SFMBT1: variants seen among roughly 807,000 people sequenced by gnomAD.
The protein encoded by SFMBT1 is Scm like with four mbt domains 1.
Under a neutral mutation model 108.7 loss-of-function variants are expected in SFMBT1, and 32 were observed. The observed-to-expected ratio is 0.29, with a 90% CI of 0.22 to 0.40. The LOEUF (loss-of-function observed/expected upper bound fraction) is 0.40, where lower values mean the gene tolerates loss of function less well. Among genes scored for constraint, SFMBT1 ranks in the 10% least tolerant of loss-of-function variants. The pLI is 1.00. For synonymous variants in SFMBT1, 348 were observed against 369.5 expected (o/e 0.94, Z 0.67); for missense variants, 816 against 1,059.6 (o/e 0.77, Z 3.19).
chr3:52,938,640 T>G (rs1281649272), intron 4 of SFMBT1, among the ~76,000 whole-genome samples: 1 of 11,694 alleles, frequency 8.6e-5, no homozygotes, highest in Non-Finnish European at 2.5e-4. Flanking sequence ...AATAAAGCTG[T>G]TTTTTTTTTT....
At chr3:52,946,267 A>T (rs1433775299) in intron 3 of SFMBT1, among the ~76,000 whole-genome samples, 3 of 152,270 alleles carry the variant, frequency 2.0e-5, no homozygotes, top group Non-Finnish European at 4.4e-5. Context: ...CAATATGGCA[A>T]CCACAGCCAC....
At chr3:52,994,665 A>G (rs190937348) in intron 1 of SFMBT1, among the ~76,000 whole-genome samples, 2 of 150,280 alleles carry the variant, frequency 1.3e-5, no homozygotes, top group East Asian at 3.9e-4. Flanking sequence ...ACGCCCAGCT[A>G]ATTTTTATAT....
chr3:52,930,952 A>T lies in SFMBT1; in HGVS notation c.784T>A (p.Tyr262Asn). 1 of 1,613,958 alleles carries T rather than the reference A, an allele frequency of 6.2e-7. No homozygotes were observed. Among genetic ancestry groups the T allele is most frequent in the Non-Finnish European group, 8.5e-7 (1 of 1,179,864 alleles). The stretch of plus-strand genomic sequence containing the variant: ...TGTTTTGTTTTTACCTTAAATAAGT[A>T]AGATGGTAATGGCTCTTCCTCTTCC... ...KEEEEEPLPS[Y>N]LFKDKQVIGI... is the part of the protein sequence containing the mutation. Residue 262 changes from tyrosine to asparagine, a missense_variant, in exon 7 of 21, where the codon TAC becomes AAC. Tyr to Asn is a moderately radical substitution (Grantham distance 143, BLOSUM62 -2). Coordinates refer to ENST00000394752, the MANE Select transcript of SFMBT1 (RefSeq NM_016329.4).
At chr3:52,954,990 G>A (rs1043007520) in intron 2 of SFMBT1, among the ~76,000 whole-genome samples, 5 of 151,772 alleles carry the variant, frequency 3.3e-5, no homozygotes, top group South Asian at 2.1e-4. Context: ...CTAACGTCAC[G>A]ACTAAATCAA....
At chr3:52,921,060 T>G (rs1702506882) in intron 11 of SFMBT1, among the ~76,000 whole-genome samples, 1 of 152,194 alleles carries the variant, frequency 6.6e-6, no homozygotes, top group South Asian at 2.1e-4. Flanking sequence ...AGAAGAACAG[T>G]GAATTCAAAT....
chr3:53,017,788 C>G (rs1260653489), intron 1 of SFMBT1, among the ~76,000 whole-genome samples: 2 of 152,198 alleles, frequency 1.3e-5, no homozygotes, highest in Non-Finnish European at 2.9e-5. Context: ...TTGTAAACAT[C>G]TATATACACC....
At chr3:52,974,108 A>G (rs1704436403) in intron 1 of SFMBT1, among the ~76,000 whole-genome samples, 2 of 152,212 alleles carry the variant, frequency 1.3e-5, no homozygotes, top group Non-Finnish European at 2.9e-5. Context: ...AAAGGACAGG[A>G]CCTCAGGGTG....
intron 1 of SFMBT1, among the ~76,000 whole-genome samples, chr3:52,979,899 C>T (rs375913496): frequency 6.6e-6 from 1 of 152,040 alleles, no homozygotes; most frequent in Non-Finnish European, 1.5e-5. Context: ...TACAACTGAG[C>T]CTTGAACAAC....
intron 1 of SFMBT1, among the ~76,000 whole-genome samples, chr3:52,989,422 C>CAAAA (rs762327335): frequency 8.6e-5 from 7 of 81,572 alleles, no homozygotes; most frequent in East Asian, 6.5e-4. Flanking sequence ...GACTCCATCT[C>CAAAA]AAAAAAAAAA....
chr3:52,994,537 T>G (rs1575425797), intron 1 of SFMBT1, among the ~76,000 whole-genome samples: 1 of 150,636 alleles, frequency 6.6e-6, no homozygotes, highest in East Asian at 1.9e-4. Context: ...TCTCGCTCTG[T>G]GGCCCAGGCT....
Position 52,930,397 on chromosome 3 carries a change from C to T in SFMBT1, c.829G>A (p.Val277Ile). The change falls in exon 8 of 21, where the codon GTA (valine) becomes ATA (isoleucine). Residue 277 changes from valine (V) to isoleucine (I), a missense_variant. By Grantham distance (29) the Val-to-Ile change is conservative. This residue lies in a region of SFMBT1 where 495 missense variants were observed against 607.4 expected (regional missense o/e 0.81). Transcript: ENST00000394752. ...TCTACAGCTTCCAATTTCATGTTTA[C>T]AGAGAATGTATGAATGCCAATAACT... ...KQVIGIHTFS[V>I]NMKLEAVDPW... The T allele has an allele frequency of 5.0e-6, 8 of 1,613,366 alleles. No homozygotes were observed. The highest frequency in any genetic ancestry group is 6.8e-6 in the Non-Finnish European group (8 of 1,179,266).
At chr3:52,948,650 T>C (rs987978603) in intron 3 of SFMBT1, among the ~76,000 whole-genome samples, 1 of 149,810 alleles carries the variant, frequency 6.7e-6, no homozygotes, top group Non-Finnish European at 1.5e-5. Context: ...ATTATTATTA[T>C]TGTTATTATT....
At chr3:52,956,432 C>T (rs1703785938) in intron 2 of SFMBT1, among the ~76,000 whole-genome samples, 2 of 150,052 alleles carry the variant, frequency 1.3e-5, no homozygotes, top group South Asian at 2.1e-4. Flanking sequence ...TGCACTCCAG[C>T]CTGGTGATGG....
chr3:52,931,040 A>G lies in SFMBT1; in HGVS notation c.701-5T>C. The G allele has an allele frequency of 6.2e-7, 1 of 1,612,464 alleles. No homozygotes were observed. The highest frequency in any genetic ancestry group is 8.5e-7 in the Non-Finnish European group (1 of 1,178,544). Reference sequence around the variant, plus strand: ...CATTTTTTAGATGTCTAATGGCTTTAATAAAACATGACAACATGCTTTAGA... The same window carrying G: ...CATTTTTTAGATGTCTAATGGCTTTGATAAAACATGACAACATGCTTTAGA... On this transcript the variant is annotated splice_region_variant and splice_polypyrimidine_tract_variant and intron_variant, in intron 6 of 20. Coordinates refer to ENST00000394752, the MANE Select transcript of SFMBT1 (RefSeq NM_016329.4).
intron 5 of SFMBT1, 75 bp from the exon 6 acceptor site, chr3:52,932,383 A>G: frequency 6.9e-7 from 1 of 1,446,384 alleles, no homozygotes; most frequent in South Asian, 1.4e-5. Flanking sequence ...CTTATAAATG[A>G]TCTCAAACCA....
chr3:52,913,405 G>C, intron 15 of SFMBT1, 73 bp downstream of exon 15: 1 of 1,527,848 alleles, frequency 6.5e-7, no homozygotes, highest in South Asian at 1.3e-5. Flanking sequence ...ATGGCATGTG[G>C]CTCCCTGTAG....
At chr3:53,019,018 C>T (rs1219980760) in intron 1 of SFMBT1, 1 of 152,156 alleles carries the variant, frequency 6.6e-6, no homozygotes, top group Non-Finnish European at 1.5e-5. Context: ...TAAATATTAT[C>T]GATACTCATA....
chr3:52,972,975 T>C (rs1466426775), intron 1 of SFMBT1, among the ~76,000 whole-genome samples: 1 of 152,014 alleles, frequency 6.6e-6, no homozygotes, highest in Non-Finnish European at 1.5e-5. Flanking sequence ...AGAGCCAAGA[T>C]CGTACCACTG....
chr3:53,009,975 A>G (rs761393227), intron 1 of SFMBT1, among the ~76,000 whole-genome samples: 5 of 152,194 alleles, frequency 3.3e-5, no homozygotes, highest in Admixed American at 6.5e-5. Context: ...GCAGAGGCAG[A>G]AGAAAATCCA....
Sources: allele counts gnomAD v4.1 joint callset (sites outside exome capture counted in the v4.1 genomes callset), GRCh38; gene constraint gnomAD v4.1.1; regional missense constraint gnomAD v4.1.1; transcripts MANE v1.5; gene names NCBI Gene and HGNC (gene_info 2026-07-23, HGNC 2026-07-21).